RB1CC1: variants seen among roughly 807,000 people sequenced by gnomAD.
RB1CC1 encodes the protein RB1-inducible coiled-coil protein 1.
A neutral mutation model predicts 177.5 loss-of-function variants in RB1CC1; 46 were observed. The ratio of observed to expected loss-of-function variants is 0.26; its 90% CI spans 0.20 to 0.33. The LOEUF is 0.33. Ranked by LOEUF, RB1CC1 falls within the 10% of genes least tolerant of loss-of-function variation. The pLI is 1.00. For missense variants in RB1CC1, 1,703 were observed against 1,816.3 expected (o/e 0.94, Z 1.13); for synonymous variants, 666 against 613.6 (o/e 1.09, Z -1.26).
intron 1 of RB1CC1, among the ~76,000 whole-genome samples, chr8:52,695,113 T>G (rs1379864312): frequency 6.6e-6 from 1 of 152,198 alleles, no homozygotes; most frequent in Non-Finnish European, 1.5e-5. Context: ...ATTACAAATC[T>G]AAAAAGAAGA....
intron 18 of RB1CC1, among the ~76,000 whole-genome samples, chr8:52,640,888 C>T (rs187288231): frequency 1.3e-5 from 2 of 152,218 alleles, no homozygotes; most frequent in East Asian, 3.9e-4. Flanking sequence ...TTCAACCAGA[C>T]AGAAACCTAA....
At chr8:52,691,653 A>G (rs1239759937) in intron 1 of RB1CC1, among the ~76,000 whole-genome samples, 2 of 152,210 alleles carry the variant, frequency 1.3e-5, no homozygotes, top group Non-Finnish European at 2.9e-5. Flanking sequence ...GTTTTCATCC[A>G]TTGTGTATAG....
intron 5 of RB1CC1, among the ~76,000 whole-genome samples, chr8:52,680,041 T>C (rs1402326203): frequency 6.6e-6 from 1 of 152,146 alleles, no homozygotes; most frequent in Non-Finnish European, 1.5e-5. Flanking sequence ...TGCTATCTTA[T>C]ACCCTTTCCT....
intron 1 of RB1CC1, among the ~76,000 whole-genome samples, chr8:52,695,324 A>G (rs1172093165): frequency 6.6e-6 from 1 of 152,272 alleles, no homozygotes; most frequent in Non-Finnish European, 1.5e-5. Flanking sequence ...TAGAGCCAGA[A>G]GTACCCACAG....
At chr8:52,676,919 A>C (rs1196326569) in intron 5 of RB1CC1, among the ~76,000 whole-genome samples, 4 of 152,224 alleles carry the variant, frequency 2.6e-5, no homozygotes, top group Non-Finnish European at 1.5e-5. Context: ...TCATGTTAAA[A>C]ACAATTTTTG....
rs901102441 is a variant in RB1CC1, at chr8:52,632,730, G to A, written c.4440+2191C>T. Among the ~76,000 whole-genome samples, 3 of 152,228 alleles carry A rather than the reference G, an allele frequency of 2.0e-5. No individual in the cohort carries two copies. The East Asian group carries it at 5.8e-4, about 29-fold the overall frequency. The stretch of plus-strand genomic sequence containing the variant: ...CCAAAAATCACTAAGGAAAAGGGAG[G>A]TCAAGCTGGGAACTACATCAAGCAA... On this transcript the variant is annotated intron_variant, in intron 20 of 23. Coordinates refer to ENST00000025008, the MANE Select transcript of RB1CC1 (RefSeq NM_014781.5).
intron 1 of RB1CC1, among the ~76,000 whole-genome samples, chr8:52,706,169 A>T (rs1328301296): frequency 1.3e-5 from 2 of 151,634 alleles, no homozygotes; most frequent in Non-Finnish European, 2.9e-5. Context: ...CACCCTATAC[A>T]TTACAAAGAA....
intron 15 of RB1CC1, among the ~76,000 whole-genome samples, chr8:52,648,796 A>G (rs1211311811): frequency 6.6e-6 from 1 of 151,976 alleles, no homozygotes; most frequent in Non-Finnish European, 1.5e-5. Flanking sequence ...TCAGCATTTG[A>G]TTTTTTTTCT....
chr8:52,706,353 A>G (rs1260888961), intron 1 of RB1CC1, among the ~76,000 whole-genome samples: 1 of 130,250 alleles, frequency 7.7e-6, no homozygotes, highest in Non-Finnish European at 1.6e-5. Context: ...TAGTCTTCCA[A>G]CTGTTATCTT....
At chr8:52,700,609 T>C (rs564266024) in intron 1 of RB1CC1, among the ~76,000 whole-genome samples, 2 of 152,302 alleles carry the variant, frequency 1.3e-5, no homozygotes, top group East Asian at 3.9e-4. Flanking sequence ...ATCTTATTGG[T>C]CATTGGCATA....
Position 52,683,720 on chromosome 8 carries a change from C to A in RB1CC1, c.199-1G>T. On this transcript the variant is annotated splice_acceptor_variant, in intron 4 of 23. Coordinates refer to ENST00000025008, the MANE Select transcript of RB1CC1 (RefSeq NM_014781.5). LOFTEE classifies it high-confidence loss of function. Reference sequence around the variant, plus strand: ...TAAAAAGAAAAATTGGATTTGTATCCTATATTTTTTAAAAAAGGAGAAATA... The same window carrying A: ...TAAAAAGAAAAATTGGATTTGTATCATATATTTTTTAAAAAAGGAGAAATA... The A allele has an allele frequency of 1.9e-6, 3 of 1,568,052 alleles. No homozygotes were observed. The highest frequency in any genetic ancestry group is 2.4e-5 in the South Asian group (2 of 84,570).
In RB1CC1 at chr8:52,642,434, T is replaced by C. The variant is rs1054108268; in HGVS notation, c.4254A>G (p.Pro1418=). Reference sequence around the variant, plus strand: ...CCACAGCGGATCTATCTGATTCACCTGGGAGTTCAGGTGCACAAGCTCCAT... The same window carrying C: ...CCACAGCGGATCTATCTGATTCACCCGGGAGTTCAGGTGCACAAGCTCCAT... The part of the protein sequence containing the change: ...ELYGACAPEL[P]GESDRSAVET... The change falls in exon 18 of 24, where the codon CCA becomes CCG. Residue 1418 remains proline (P), a synonymous_variant. Coordinates refer to ENST00000025008, the MANE Select transcript of RB1CC1 (RefSeq NM_014781.5). 1.9e-6 allele frequency: 3 copies of C among 1,613,988 alleles called. No individual in the cohort carries two copies. The African/African-American group carries it at 4.0e-5, about 22-fold the overall frequency.
intron 11 of RB1CC1, 42 bp from the exon 12 acceptor site, chr8:52,660,699 T>G (rs780182479): frequency 6.6e-7 from 1 of 1,514,622 alleles, no homozygotes; most frequent in South Asian, 1.2e-5. Context: ...TAGAGCTTTA[T>G]TTAAGGCAAA....
At chr8:52,638,686 C>T (rs757404523) in intron 18 of RB1CC1, among the ~76,000 whole-genome samples, 1 of 151,830 alleles carries the variant, frequency 6.6e-6, no homozygotes, top group South Asian at 2.1e-4. Context: ...TCAGAGTAGT[C>T]TTTTATTTTC....
chr8:52,689,632 A>G (rs528041615), intron 1 of RB1CC1, among the ~76,000 whole-genome samples: 1 of 152,232 alleles, frequency 6.6e-6, no homozygotes, highest in Non-Finnish European at 1.5e-5. Context: ...CTTCCTTTCC[A>G]CCACAACTTT....
At chr8:52,629,086 C>T (rs565690404) in intron 21 of RB1CC1, among the ~76,000 whole-genome samples, 1 of 152,236 alleles carries the variant, frequency 6.6e-6, no homozygotes, top group South Asian at 2.1e-4. Flanking sequence ...ATGAACGGCC[C>T]ATTGACATGA....
chr8:52,645,881 T>C lies in RB1CC1; in HGVS notation c.3822-14A>G, dbSNP rs760993124. ...TCAATGGCAGGACTTACAAATTAAATACAGCATTAAATTAAAAAAAAAATT... is the reference window on the plus strand; with the variant it reads ...TCAATGGCAGGACTTACAAATTAAACACAGCATTAAATTAAAAAAAAAATT... On this transcript the variant is annotated splice_polypyrimidine_tract_variant and intron_variant, in intron 15 of 23. Transcript: ENST00000025008. 1.3e-6 allele frequency: 2 copies of C among 1,575,060 alleles called. No individual in the cohort carries two copies. The highest frequency in any genetic ancestry group is 2.3e-5 in the East Asian group (1 of 44,140).
intron 5 of RB1CC1, among the ~76,000 whole-genome samples, chr8:52,679,494 G>T (rs1022098451): frequency 6.6e-6 from 1 of 152,124 alleles, no homozygotes; most frequent in Non-Finnish European, 1.5e-5. Context: ...TCAAGGACTC[G>T]AAAGACCCCG....
chr8:52,655,572 A>G (rs1851019081), intron 15 of RB1CC1, among the ~76,000 whole-genome samples: 1 of 152,138 alleles, frequency 6.6e-6, no homozygotes, highest in African/African-American at 2.4e-5. Context: ...GGAACACTCT[A>G]CATGTTCCTA....
Sources: allele counts gnomAD v4.1 joint callset (sites outside exome capture counted in the v4.1 genomes callset), GRCh38; gene constraint gnomAD v4.1.1; transcripts MANE v1.5; gene names NCBI Gene and HGNC (gene_info 2026-07-23, HGNC 2026-07-21).